Variants in QKI observed in about 807,000 individuals in gnomAD.
QKI encodes QKI, KH domain containing RNA binding.
A neutral mutation model predicts 39.0 loss-of-function variants in QKI; 10 were observed. That is an observed-to-expected ratio of 0.26 (90% CI 0.16 to 0.43). The LOEUF is 0.43. Ranked by LOEUF, QKI falls within the 20% of genes least tolerant of loss-of-function variation. The pLI is 1.00. For missense variants in QKI, 218 were observed against 428.0 expected (o/e 0.51, Z 4.33); for synonymous variants, 204 against 155.4 (o/e 1.31, Z -2.33).
Position 163,520,601 on chromosome 6 carries a change from G to A in QKI, c.403-14381G>A, listed in dbSNP as rs531666173. ...TTGACTACCACCTATTAGCTACAAG[G>A]CTTTGCAGTGGTGCTGTTAGCTAGG... On this transcript the variant is annotated intron_variant, in intron 3 of 7. Transcript: ENST00000361752. Among the ~76,000 whole-genome samples the A allele has an allele frequency of 1.7e-3, 255 of 152,230 alleles. 4 individuals are homozygous for A. The highest frequency in any genetic ancestry group is 3.9e-4 in the East Asian group (2 of 5,188).
chr6:163,536,925 A>G (rs1008871980), intron 4 of QKI, among the ~76,000 whole-genome samples: 1 of 152,180 alleles, frequency 6.6e-6, no homozygotes, highest in African/African-American at 2.4e-5. Flanking sequence ...AGATTGGAAC[A>G]TGGCCAAGCA....
intron 4 of QKI, among the ~76,000 whole-genome samples, chr6:163,544,442 C>T (rs1157090048): frequency 6.6e-6 from 1 of 151,882 alleles, no homozygotes; most frequent in Admixed American, 6.6e-5. Flanking sequence ...TCAGCTCTCC[C>T]CTGTCTCTCA....
intron 3 of QKI, among the ~76,000 whole-genome samples, chr6:163,500,611 C>A (rs1427650131): frequency 6.6e-6 from 1 of 152,066 alleles, no homozygotes; most frequent in Non-Finnish European, 1.5e-5. Flanking sequence ...AAATTATGTT[C>A]TTCCTACAGA....
intron 1 of QKI, among the ~76,000 whole-genome samples, chr6:163,427,580 T>C (rs1335353765): frequency 6.6e-6 from 1 of 152,144 alleles, no homozygotes; most frequent in African/African-American, 2.4e-5. Flanking sequence ...TGTTCTTTTG[T>C]TGTACTTACT....
chr6:163,458,035 A>ATTG (rs2128219918), intron 2 of QKI, among the ~76,000 whole-genome samples: 1 of 152,284 alleles, frequency 6.6e-6, no homozygotes, highest in South Asian at 2.1e-4. Flanking sequence ...AGTGAACAGC[A>ATTG]AGTACAGCTG....
chr6:163,570,841 G>A lies in QKI; in HGVS notation c.*131G>A. 4.1e-6 allele frequency: 5 copies of A among 1,213,320 alleles called. No individual in the cohort carries two copies. The highest frequency in any genetic ancestry group is 1.7e-5 in the South Asian group (1 of 58,512). The allele number at this position is 1,213,320 out of a possible 1,614,324, so 75.2% of individuals were successfully genotyped here. On this transcript the variant is annotated 3_prime_UTR_variant, in exon 8 of 8. Transcript: ENST00000361752. ...AGCGAGCTGAGGCACTTGTCCGTTCGTCTTACCATCTAACCAAACAAAAGA... is the reference window on the plus strand; with the variant it reads ...AGCGAGCTGAGGCACTTGTCCGTTCATCTTACCATCTAACCAAACAAAAGA...
In QKI at chr6:163,434,924, T is replaced by C. The variant is rs751205837; in HGVS notation, c.142+19589T>C. 3.3e-4 allele frequency among the ~76,000 whole-genome samples: 50 copies of C among 152,166 alleles called. 1 individual carries two copies. Among genetic ancestry groups the C allele is most frequent in the Non-Finnish European group, 5.7e-4 (39 of 68,026 alleles). On this transcript the variant is annotated intron_variant, in intron 1 of 7. Transcript: ENST00000361752. ...CAGGTAGAAGTTTAATATAAAAATA[T>C]ATTTGATTATTTGTACAGATGGTAA...
intron 4 of QKI, among the ~76,000 whole-genome samples, chr6:163,548,067 G>A (rs1277944236): frequency 6.6e-6 from 1 of 152,122 alleles, no homozygotes; most frequent in African/African-American, 2.4e-5. Flanking sequence ...TTTACGTAGT[G>A]TATTTTGGCG....
At chr6:163,487,821 C>CA (rs1453937887) in intron 3 of QKI, among the ~76,000 whole-genome samples, 1 of 151,970 alleles carries the variant, frequency 6.6e-6, no homozygotes, top group Non-Finnish European at 1.5e-5. Context: ...GATGGTAGTA[C>CA]ATAAAGTCTC....
rs969389828 is a variant in QKI at position 163,571,669 on chromosome 6, A to G, written c.*959A>G. ...ACTATACAAGGGTGCTGGTGCAGAAAAAAATATATATATTTTTGGAAATGT... is the reference window on the plus strand; with the variant it reads ...ACTATACAAGGGTGCTGGTGCAGAAGAAAATATATATATTTTTGGAAATGT... On this transcript the variant is annotated 3_prime_UTR_variant, in exon 8 of 8. Coordinates refer to ENST00000361752, the MANE Select transcript of QKI (RefSeq NM_006775.3). The G allele has an allele frequency of 6.6e-6, 1 of 152,074 alleles. No homozygotes were observed. Among genetic ancestry groups the G allele is most frequent in the Non-Finnish European group, 1.5e-5 (1 of 68,006 alleles). The allele number at this position is 152,074 out of a possible 1,614,324, so 9.4% of individuals were successfully genotyped here. A position where few individuals can be genotyped will look rare whatever the true frequency, so the allele number is the denominator to read the frequency against.
chr6:163,516,283 C>G (rs1779793795), intron 3 of QKI, among the ~76,000 whole-genome samples: 1 of 151,922 alleles, frequency 6.6e-6, no homozygotes, highest in Non-Finnish European at 1.5e-5. Context: ...TGTAGAGTTT[C>G]TAAAGCTTAT....
chr6:163,521,011 T>C lies in QKI; in HGVS notation c.403-13971T>C, dbSNP rs145804764. ...ACCTAAAGTCACCTAGTTTTTCTAA[T>C]GACGTAAAATTACCCTTGGTTTTTT... On this transcript the variant is annotated intron_variant, in intron 3 of 7. Coordinates refer to ENST00000361752, the MANE Select transcript of QKI (RefSeq NM_006775.3). Among the ~76,000 whole-genome samples, 1,082 of 152,294 alleles carry C rather than the reference T, an allele frequency of 7.1e-3. 25 individuals are homozygous for C. Among genetic ancestry groups the C allele is most frequent in the African/African-American group, 0.025 (1,026 of 41,564 alleles).
intron 1 of QKI, among the ~76,000 whole-genome samples, chr6:163,428,541 A>G (rs1335200222): frequency 6.6e-6 from 1 of 152,142 alleles, no homozygotes; most frequent in African/African-American, 2.4e-5. Flanking sequence ...TCAGCAGTAA[A>G]AAAGATAGTC....
chr6:163,493,244 C>A (rs916714271), intron 3 of QKI, among the ~76,000 whole-genome samples: 4 of 151,604 alleles, frequency 2.6e-5, no homozygotes, highest in African/African-American at 9.7e-5. Flanking sequence ...GATTCTCCTG[C>A]CTCAGCCTCC....
At position 163,552,531 on chromosome 6, in the gene QKI, T is replaced by A. The variant is rs538584669; in HGVS notation, c.547-9451T>A. On this transcript the variant is annotated intron_variant, in intron 4 of 7. Coordinates refer to ENST00000361752, the MANE Select transcript of QKI (RefSeq NM_006775.3). The stretch of plus-strand genomic sequence containing the variant: ...AGCCTCATAAAGTTCTTTATCCTAA[T>A]CATCTTCATACTGAGTAAGCGGAGG... Among the ~76,000 whole-genome samples the A allele has an allele frequency of 1.1e-4, 17 of 152,180 alleles. No homozygotes were observed. The South Asian group carries it at 3.5e-3, about 32-fold the overall frequency.
chr6:163,486,972 G>A (rs1025315539), intron 3 of QKI, among the ~76,000 whole-genome samples: 2 of 152,076 alleles, frequency 1.3e-5, no homozygotes, highest in Non-Finnish European at 2.9e-5. Flanking sequence ...TTTTGGGTGG[G>A]GGAACTTACA....
At chr6:163,507,447 G>A (rs1779167663) in intron 3 of QKI, among the ~76,000 whole-genome samples, 1 of 152,202 alleles carries the variant, frequency 6.6e-6, no homozygotes, top group African/African-American at 2.4e-5. Flanking sequence ...CTTGAAGGAA[G>A]GAAGTTAGTA....
chr6:163,565,486 G>A (rs1441779133), intron 6 of QKI: 2 of 987,300 alleles, frequency 2.0e-6, no homozygotes, highest in Non-Finnish European at 2.4e-6. Flanking sequence ...CTTAGAAATA[G>A]CAAGAGGCAC....
chr6:163,471,988 TAAAG>T (rs1295644266), intron 2 of QKI, among the ~76,000 whole-genome samples: 7 of 152,134 alleles, frequency 4.6e-5, no homozygotes, highest in African/African-American at 1.2e-4. Flanking sequence ...CTAGAGATAA[TAAAG>T]AAGGCCACTT....
Sources: allele counts gnomAD v4.1 joint callset (sites outside exome capture counted in the v4.1 genomes callset), GRCh38; gene constraint gnomAD v4.1.1; transcripts MANE v1.5; gene names NCBI Gene and HGNC (gene_info 2026-07-23, HGNC 2026-07-21).